CARM1: variants seen among roughly 807,000 people sequenced by gnomAD.
The protein encoded by CARM1 is histone-arginine methyltransferase CARM1.
CARM1 carries 14 observed loss-of-function variants against 72.7 expected under a neutral mutation model. That is an observed-to-expected ratio of 0.19 (90% CI 0.13 to 0.30). The LOEUF (loss-of-function observed/expected upper bound fraction) is 0.30. CARM1 is among the 10% of genes least tolerant of loss of function. CARM1 has a pLI of 1.00. For synonymous variants in CARM1, 333 were observed against 345.5 expected, an observed-to-expected ratio of 0.96 and a Z score of 0.40; for missense variants, 432 against 833.7, an observed-to-expected ratio of 0.52 and a Z score of 5.93.
At chr19:10,905,937 G>A (rs1173767428) in intron 2 of CARM1, among the ~76,000 whole-genome samples, 1 of 147,200 alleles carries the variant, frequency 6.8e-6, no homozygotes, top group Non-Finnish European at 1.5e-5. Context: ...CACCGTGCCC[G>A]GCCCCTTTTT....
rs985314302 is a variant in CARM1 at position 10,915,705 on chromosome 19, CT to C, written c.848-701del. Among the ~76,000 whole-genome samples the C allele has an allele frequency of 1.3e-4, 20 of 152,266 alleles. No homozygotes were observed. Among genetic ancestry groups the C allele is most frequent in the African/African-American group, 4.8e-4 (20 of 41,570 alleles). On this transcript the variant is annotated intron_variant, in intron 6 of 15. Coordinates refer to ENST00000327064, the MANE Select transcript of CARM1 (RefSeq NM_199141.2). This position sits in a 1 kb window ranked among gnomAD's most constrained non-coding sequence, Gnocchi z 4.6. ...GGATCTCCTCCCCCAGCTTGCAAGGCTGGGGGGCCCACATCTGGAGGCCAGG... is the reference window on the plus strand; with the variant it reads ...GGATCTCCTCCCCCAGCTTGCAAGGCGGGGGGCCCACATCTGGAGGCCAGG...
rs1179936865 is a variant in CARM1, at chr19:10,871,583, A to AGCGGCGGCGGCGGCG, written c.-115_-114insGGCGGCGGCGGCGGC. Reference sequence around the variant, plus strand: ...CCTGCACGGCGGCTGCGGCGGCGGTAGCGGCAGCGGCGGCGGCGGCGGCGG... The same window carrying AGCGGCGGCGGCGGCG: ...CCTGCACGGCGGCTGCGGCGGCGGTAGCGGCGGCGGCGGCGGCGGCAGCGGCGGCGGCGGCGGCGG... On this transcript the variant is annotated 5_prime_UTR_variant, in exon 1 of 16. Coordinates refer to ENST00000327064, the MANE Select transcript of CARM1 (RefSeq NM_199141.2). This position sits in a 1 kb window ranked among gnomAD's most constrained non-coding sequence, Gnocchi z 5.6. 9 of 76,412 alleles carry AGCGGCGGCGGCGGCG rather than the reference A, an allele frequency of 1.2e-4. No individual in the cohort carries two copies. The highest frequency in any genetic ancestry group is 6.2e-4 in the Admixed American group (5 of 8,030). 4.7% of individuals were successfully genotyped at this position (76,412 alleles called of 1,614,324 possible). A position where few individuals can be genotyped will look rare whatever the true frequency, so the allele number is the denominator to read the frequency against.
chr19:10,921,787 G>A lies in CARM1; in HGVS notation c.*30G>A. On this transcript the variant is annotated 3_prime_UTR_variant, in exon 16 of 16. Coordinates refer to ENST00000327064, the MANE Select transcript of CARM1 (RefSeq NM_199141.2). ...CCGCCCCGCGGACTGACAGCACCAG[G>A]AAACCAAATGATGTCCCTGCCCGCC... The A allele has an allele frequency of 6.4e-7, 1 of 1,557,180 alleles. No individual in the cohort carries two copies. The highest frequency in any genetic ancestry group is 8.7e-7 in the Non-Finnish European group (1 of 1,146,890).
At chr19:10,885,389 GC>G (rs764722413) in intron 1 of CARM1, among the ~76,000 whole-genome samples, 1 of 152,112 alleles carries the variant, frequency 6.6e-6, no homozygotes, top group Non-Finnish European at 1.5e-5. Flanking sequence ...TCTTTCTCCC[GC>G]TAATTGTGTT....
rs1555724861 is a variant in CARM1 at position 10,885,888 on chromosome 19, A to ATTTCT, written c.220+13969_220+13970insCTTTT. Among the ~76,000 whole-genome samples, 11 of 78,776 alleles carry ATTTCT rather than the reference A, an allele frequency of 1.4e-4. 1 individual carries two copies. The highest frequency in any genetic ancestry group is 2.8e-4 in the Non-Finnish European group (10 of 35,282). 51.7% of individuals were successfully genotyped at this position (78,776 alleles called of 152,430 possible). A position where few individuals can be genotyped will look rare whatever the true frequency, so the allele number is the denominator to read the frequency against. ...CACAGCAGCCACAGCTCACTCCCTC[A>ATTTCT]TTTTTTTTTTTTTTTTTTTTTTTTT... On this transcript the variant is annotated intron_variant, in intron 1 of 15. Transcript: ENST00000327064.
At chr19:10,904,876 G>T in intron 1 of CARM1, 75 bp from the exon 2 acceptor site, 3 of 1,572,622 alleles carry the variant, frequency 1.9e-6, no homozygotes, top group Non-Finnish European at 8.7e-7. Flanking sequence ...CAGCAGGAGG[G>T]CGACAGGGAC....
At chr19:10,914,204 C>T (rs925545384) in intron 6 of CARM1, 150 bp downstream of exon 6, 13 of 788,928 alleles carry the variant, frequency 1.6e-5, no homozygotes, top group Middle Eastern at 3.7e-4. Context: ...ACCCCAACCC[C>T]ACTCCAGCCA....
rs201894360 is a variant in CARM1, at chr19:10,912,518, CTTTTT to C, written c.669+234_669+238del. Among the ~76,000 whole-genome samples the C allele has an allele frequency of 7.1e-6, 1 of 141,768 alleles. No homozygotes were observed. 93.0% of individuals were successfully genotyped at this position (141,768 alleles called of 152,430 possible). ...GGGCCACATGTCATTTCCCTGTTTT[CTTTTT>C]TTTTTTTTTGCACTGAAACCTTCAT... On this transcript the variant is annotated intron_variant, in intron 5 of 15. Transcript: ENST00000327064. This position sits in a 1 kb window ranked among gnomAD's most constrained non-coding sequence, Gnocchi z 4.5.
chr19:10,900,980 G>C (rs1277172889), intron 1 of CARM1, among the ~76,000 whole-genome samples: 1 of 149,674 alleles, frequency 6.7e-6, no homozygotes, highest in Non-Finnish European at 1.5e-5. Context: ...ACTGCACCCG[G>C]ACTTTTTTTT....
chr19:10,886,678 A>C (rs528257443), intron 1 of CARM1, among the ~76,000 whole-genome samples: 1 of 152,110 alleles, frequency 6.6e-6, no homozygotes, highest in South Asian at 2.1e-4. Flanking sequence ...AATACAAAAA[A>C]AATTTAGCCG....
chr19:10,896,954 T>C lies in CARM1; in HGVS notation c.221-7997T>C, dbSNP rs1408330485. On this transcript the variant is annotated intron_variant, in intron 1 of 15. Transcript: ENST00000327064. The surrounding 1 kb of genome is among the most constrained non-coding windows in gnomAD (Gnocchi z 5.2). ...CTTCCGGGTTTTGCAAATGAAGCTT[T>C]ATGGGCACACAGCCATGCTCATTTG... Among the ~76,000 whole-genome samples the C allele has an allele frequency of 6.6e-6, 1 of 152,218 alleles. No homozygotes were observed. Among genetic ancestry groups the C allele is most frequent in the Non-Finnish European group, 1.5e-5 (1 of 68,038 alleles).
chr19:10,907,524 C>A (rs1053600818), intron 2 of CARM1, among the ~76,000 whole-genome samples: 1 of 151,654 alleles, frequency 6.6e-6, no homozygotes, highest in Non-Finnish European at 1.5e-5. Flanking sequence ...CTGCCCACCT[C>A]AGCCTCCCAC....
Position 10,912,729 on chromosome 19 carries a change from C to A in CARM1, c.669+435C>A, listed in dbSNP as rs1383381884. 1.3e-5 allele frequency among the ~76,000 whole-genome samples: 2 copies of A among 152,114 alleles called. No homozygotes were observed. On this transcript the variant is annotated intron_variant, in intron 5 of 15. Transcript: ENST00000327064. This position sits in a 1 kb window ranked among gnomAD's most constrained non-coding sequence, Gnocchi z 4.5. Reference sequence around the variant, plus strand: ...CTGCACCCTCCATTCCCTGCTCTGCCTCTCCCATGGATCTGGGGTCGCCGG... The same window carrying A: ...CTGCACCCTCCATTCCCTGCTCTGCATCTCCCATGGATCTGGGGTCGCCGG...
rs926833698 is a variant in CARM1, at chr19:10,915,434, C to G, written c.848-973C>G. ...GGCCTGTGCAAGGAGGACTCCTGTC[C>G]AGCTCAGGAAGCTCTTCCAGGGGTT... On this transcript the variant is annotated intron_variant, in intron 6 of 15. Coordinates refer to ENST00000327064, the MANE Select transcript of CARM1 (RefSeq NM_199141.2). The surrounding 1 kb of genome is among the most constrained non-coding windows in gnomAD (Gnocchi z 4.6). 1.8e-4 allele frequency among the ~76,000 whole-genome samples: 27 copies of G among 152,110 alleles called. No individual in the cohort carries two copies. The highest frequency in any genetic ancestry group is 1.5e-3 in the Admixed American group (23 of 15,278).
chr19:10,876,305 C>T (rs1179723006), intron 1 of CARM1, among the ~76,000 whole-genome samples: 6 of 152,196 alleles, frequency 3.9e-5, no homozygotes, highest in Non-Finnish European at 8.8e-5. Flanking sequence ...GGATTACAGA[C>T]GTGAGCCACT....
At chr19:10,884,697 G>A (rs960456730) in intron 1 of CARM1, among the ~76,000 whole-genome samples, 5 of 151,956 alleles carry the variant, frequency 3.3e-5, no homozygotes, top group South Asian at 2.1e-4. Flanking sequence ...TCTCTGCATC[G>A]CTTCTTTATT....
chr19:10,913,267 TG>T (rs1398286843), intron 5 of CARM1, among the ~76,000 whole-genome samples: 1 of 152,010 alleles, frequency 6.6e-6, no homozygotes, highest in Non-Finnish European at 1.5e-5. Context: ...GGCTAATTTT[TG>T]TATTTTTAGG....
Position 10,915,396 on chromosome 19 carries a change from AG to A in CARM1, c.848-1005del, listed in dbSNP as rs1209159910. ...ACGTCCCAGCAGCCAGCTTGCAGGG[AG>A]GGGGGAGGCCAGGCCTGTGCAAGGA... On this transcript the variant is annotated intron_variant, in intron 6 of 15. Transcript: ENST00000327064. The surrounding 1 kb of genome is among the most constrained non-coding windows in gnomAD (Gnocchi z 4.6). Among the ~76,000 whole-genome samples the A allele has an allele frequency of 6.6e-6, 1 of 151,938 alleles. No individual in the cohort carries two copies. The highest frequency in any genetic ancestry group is 2.4e-5 in the African/African-American group (1 of 41,350).
In CARM1 at chr19:10,921,038, C is replaced by G; in HGVS notation, c.1538-12C>G. The stretch of plus-strand genomic sequence containing the variant: ...CTGCCTCCAGCCCTGACGTCTCCCT[C>G]TCTGGACACAGGGATGCCGACCGCC... On this transcript the variant is annotated splice_polypyrimidine_tract_variant and intron_variant, in intron 13 of 15. Coordinates refer to ENST00000327064, the MANE Select transcript of CARM1 (RefSeq NM_199141.2). 6.2e-7 allele frequency: 1 copy of G among 1,613,956 alleles called. No individual in the cohort carries two copies. The highest frequency in any genetic ancestry group is 8.5e-7 in the Non-Finnish European group (1 of 1,179,794).
Sources: gnomAD v4.1 joint callset for allele counts (sites outside exome capture counted in the v4.1 genomes callset) on GRCh38, gnomAD v4.1.1 for gene constraint, Gnocchi (gnomAD v3.1) non-coding constraint, MANE v1.5 for transcripts, NCBI Gene and HGNC (gene_info 2026-07-23, HGNC 2026-07-21) for gene names.